Variants in ELF1 observed in about 807,000 individuals in gnomAD.
The protein encoded by ELF1 is E74 like ETS transcription factor 1.
In ELF1, 24 loss-of-function variants were observed where a neutral mutation model predicts 59.9. That is an observed-to-expected ratio of 0.40 (90% CI 0.29 to 0.56). The LOEUF (loss-of-function observed/expected upper bound fraction) is 0.56, where lower values mean the gene tolerates loss of function less well. Among genes scored for constraint, ELF1 ranks in the 20% least tolerant of loss-of-function variants. The pLI is 0.44. For missense variants in ELF1, 627 were observed against 742.2 expected (o/e 0.84, Z 1.80); for synonymous variants, 248 against 266.2 (o/e 0.93, Z 0.67).
intron 1 of ELF1, among the ~76,000 whole-genome samples, chr13:41,050,054 T>C (rs958705740): frequency 1.3e-5 from 2 of 152,222 alleles, no homozygotes; most frequent in African/African-American, 4.8e-5. Flanking sequence ...ACGTATTATC[T>C]TAATCCTTTT....
At chr13:40,987,803 G>A (rs548397595) in intron 1 of ELF1, among the ~76,000 whole-genome samples, 1 of 152,240 alleles carries the variant, frequency 6.6e-6, no homozygotes, top group South Asian at 2.1e-4. Context: ...AAACTGGAAT[G>A]CTACAGTAAC....
intron 1 of ELF1, among the ~76,000 whole-genome samples, chr13:40,984,521 T>C (rs1030353082): frequency 6.6e-6 from 1 of 152,196 alleles, no homozygotes; most frequent in African/African-American, 2.4e-5. Context: ...TGAGCCATGA[T>C]TGCCACTGTA....
chr13:40,948,583 GGGTGGGT>G (rs1243634657), intron 5 of ELF1, among the ~76,000 whole-genome samples: 5 of 152,176 alleles, frequency 3.3e-5, no homozygotes, highest in Non-Finnish European at 7.3e-5. Context: ...TTAGGTTACT[GGGTGGGT>G]GGTGATGCTA....
chr13:40,955,136 C>T (rs183764823), intron 3 of ELF1, among the ~76,000 whole-genome samples: 29,304 of 148,736 alleles, frequency 0.2, 3,265 homozygotes, highest in African/African-American at 0.28. Context: ...GCCTGGCAAC[C>T]GCCGCGTCTG....
At chr13:40,948,198 A>C (rs1271487378) in intron 5 of ELF1, among the ~76,000 whole-genome samples, 1 of 152,254 alleles carries the variant, frequency 6.6e-6, no homozygotes, top group Admixed American at 6.5e-5. Context: ...TTTAATGTAC[A>C]CTTAACATGT....
At chr13:40,960,000 T>C (rs906173744) in intron 2 of ELF1, among the ~76,000 whole-genome samples, 2 of 152,196 alleles carry the variant, frequency 1.3e-5, no homozygotes, top group African/African-American at 4.8e-5. Context: ...ATAATTCCCA[T>C]ACAACCTTCA....
At chr13:40,955,453 C>A (rs1593359818) in intron 3 of ELF1, among the ~76,000 whole-genome samples, 1 of 130,502 alleles carries the variant, frequency 7.7e-6, no homozygotes, top group Non-Finnish European at 1.7e-5. Context: ...GCCAGCCGCC[C>A]CGTCCGGGAG....
At chr13:41,010,814 T>G (rs1875021642) in intron 1 of ELF1, among the ~76,000 whole-genome samples, 1 of 152,150 alleles carries the variant, frequency 6.6e-6, no homozygotes, top group African/African-American at 2.4e-5. Context: ...CAATGAAATC[T>G]TATGACTTCT....
intron 3 of ELF1, among the ~76,000 whole-genome samples, chr13:40,954,702 G>C (rs986296120): frequency 1.4e-4 from 22 of 152,076 alleles, no homozygotes; most frequent in African/African-American, 5.3e-4. Context: ...CGCCAGCCTC[G>C]GCCTCCCGAG....
intron 3 of ELF1, among the ~76,000 whole-genome samples, chr13:40,954,624 T>C (rs1034626120): frequency 1.3e-5 from 2 of 152,180 alleles, no homozygotes; most frequent in Admixed American, 1.3e-4. Context: ...GTTTTCGTAT[T>C]TTTTTGGTGG....
chr13:41,061,248 C>T, exon 1 of ELF1: 1 of 254,526 alleles, frequency 3.9e-6, no homozygotes, highest in Non-Finnish European at 7.8e-6. Flanking sequence ...GCGCGCTGAG[C>T]TCCTTGGCCT....
At chr13:40,939,895 T>A (rs1001935567) in intron 8 of ELF1, among the ~76,000 whole-genome samples, 1 of 152,204 alleles carries the variant, frequency 6.6e-6, no homozygotes, top group Non-Finnish European at 1.5e-5. Context: ...AGATGTAGCA[T>A]CCAATTAAAA....
intron 1 of ELF1, among the ~76,000 whole-genome samples, chr13:41,036,889 G>A (rs1876403307): frequency 6.6e-6 from 1 of 151,754 alleles, no homozygotes; most frequent in South Asian, 2.1e-4. Context: ...TCACTCATAG[G>A]TGGGAATTGA....
At chr13:41,050,045 C>T (rs750492239) in intron 1 of ELF1, among the ~76,000 whole-genome samples, 5 of 152,146 alleles carry the variant, frequency 3.3e-5, no homozygotes, top group East Asian at 1.9e-4. Context: ...TAGAACAAAA[C>T]GTATTATCTT....
At chr13:41,000,172 G>A (rs904409111) in intron 1 of ELF1, among the ~76,000 whole-genome samples, 1 of 149,848 alleles carries the variant, frequency 6.7e-6, no homozygotes, top group Non-Finnish European at 1.5e-5. Flanking sequence ...TTCTTACAAG[G>A]TGACATTCAG....
chr13:41,009,397 C>A (rs1874925360), intron 1 of ELF1, among the ~76,000 whole-genome samples: 1 of 152,074 alleles, frequency 6.6e-6, no homozygotes. Context: ...GATACCTACA[C>A]CAAGAACTGA....
At chr13:40,976,760 G>A (rs975454792) in intron 2 of ELF1, among the ~76,000 whole-genome samples, 1 of 151,834 alleles carries the variant, frequency 6.6e-6, no homozygotes, top group Non-Finnish European at 1.5e-5. Flanking sequence ...GGCTGGTCTC[G>A]AACTCCTGCT....
At chr13:40,937,989 G>A (rs146148158) in intron 8 of ELF1, among the ~76,000 whole-genome samples, 4 of 151,380 alleles carry the variant, frequency 2.6e-5, no homozygotes, top group African/African-American at 9.7e-5. Flanking sequence ...GCTAATTTTT[G>A]TATTTTTAGT....
At chr13:41,010,428 G>A (rs1874988059) in intron 1 of ELF1, among the ~76,000 whole-genome samples, 1 of 151,664 alleles carries the variant, frequency 6.6e-6, no homozygotes, top group African/African-American at 2.4e-5. Context: ...TCTAGCCTAG[G>A]CGAGAGGGCT....
Sources: allele counts gnomAD v4.1 joint callset (sites outside exome capture counted in the v4.1 genomes callset), GRCh38; gene constraint gnomAD v4.1.1; transcripts MANE v1.5; gene names NCBI Gene and HGNC (gene_info 2026-07-23, HGNC 2026-07-21).